ALG11: variants seen among roughly 807,000 people sequenced by gnomAD.
ALG11 encodes GDP-Man:Man(3)GlcNAc(2)-PP-Dol alpha-1,2-mannosyltransferase.
In ALG11, 26 loss-of-function variants were observed where a neutral mutation model predicts 38.8. That is an observed-to-expected ratio of 0.67 (90% confidence interval 0.49 to 0.93). The LOEUF (loss-of-function observed/expected upper bound fraction) is 0.93, where lower values mean the gene tolerates loss of function less well. Among genes scored for constraint, ALG11 ranks in the 40% least tolerant of loss-of-function variants. ALG11 has a pLI of 0.00. For missense variants in ALG11, 535 were observed against 578.8 expected, an observed-to-expected ratio of 0.92 and a Z score of 0.78; for synonymous variants, 199 against 211.6, an observed-to-expected ratio of 0.94 and a Z score of 0.52.
chr13:52,013,088 T>G (rs1333464606), intron 1 of ALG11, among the ~76,000 whole-genome samples: 1 of 152,236 alleles, frequency 6.6e-6, no homozygotes, highest in Non-Finnish European at 1.5e-5. Flanking sequence ...CCAGGAATGC[T>G]ACCATCCGGA....
Position 52,031,090 on chromosome 13 carries a change from A to G in ALG11, c.*2500A>G, listed in dbSNP as rs1954299585. 2.5e-6 allele frequency: 4 copies of G among 1,611,166 alleles called. No individual in the cohort carries two copies. In the South Asian group the frequency reaches 4.4e-5, roughly 18 times the overall value. On this transcript the variant is annotated 3_prime_UTR_variant, in exon 4 of 4. Coordinates refer to ENST00000521508, the MANE Select transcript of ALG11 (RefSeq NM_001004127.3). ...AACGAATCACCACACGTCACAATAA[A>G]GAAGAAAAACTGTAGGTTGTGTAGC...
chr13:52,025,272 G>A lies in ALG11; in HGVS notation c.1207+335G>A, dbSNP rs146722800. Among the ~76,000 whole-genome samples the A allele has an allele frequency of 2.3e-3, 356 of 152,304 alleles. 5 individuals carry two copies. The highest frequency in any genetic ancestry group is 4.3e-3 in the South Asian group (21 of 4,828). Reference sequence around the variant, plus strand: ...ACAGGAAGGTTTAGAAATTGCTCGAGTTCAGTTACACAGTAAGTGGTAGAG... The same window carrying A: ...ACAGGAAGGTTTAGAAATTGCTCGAATTCAGTTACACAGTAAGTGGTAGAG... On this transcript the variant is annotated intron_variant, in intron 3 of 3. Transcript: ENST00000521508.
chr13:52,030,737 A>C lies in ALG11; in HGVS notation c.*2147A>C, dbSNP rs759190119. 6.2e-7 allele frequency: 1 copy of C among 1,614,252 alleles called. No individual in the cohort carries two copies. Among genetic ancestry groups the C allele is most frequent in the Non-Finnish European group, 8.5e-7 (1 of 1,180,048 alleles). On this transcript the variant is annotated 3_prime_UTR_variant, in exon 4 of 4. Coordinates refer to ENST00000521508, the MANE Select transcript of ALG11 (RefSeq NM_001004127.3). Reference sequence around the variant, plus strand: ...GGGCCTAAAGCCCAGTGCCAAGAAAAGACGCCAGTTTCTCATTAAAGCCCC... The same window carrying C: ...GGGCCTAAAGCCCAGTGCCAAGAAACGACGCCAGTTTCTCATTAAAGCCCC...
intron 2 of ALG11, chr13:52,021,453 A>G (rs2140835405): frequency 6.6e-6 from 1 of 152,374 alleles, no homozygotes; most frequent in East Asian, 1.9e-4. Context: ...AAGTCCCCTA[A>G]GGCTGGTTGG....
rs139798579 is a variant in ALG11 at position 52,012,462 on chromosome 13, G to C, written c.44G>C (p.Arg15Thr). ...AGCTGGTGCCTGTGCAAGTTGTTGAGGTGAGCAGCCGGTCGTGTGGGCTCA... is the reference window on the plus strand; with the variant it reads ...AGCTGGTGCCTGTGCAAGTTGTTGACGTGAGCAGCCGGTCGTGTGGGCTCA... ...ERSWCLCKLLRFFYSLFFPGL... is the reference protein window; with the variant it reads ...ERSWCLCKLLTFFYSLFFPGL... The change falls in exon 1 of 4, where the codon AGG becomes ACG. Residue 15 changes from arginine to threonine, a missense_variant and splice_region_variant. Arg to Thr is a moderately conservative substitution (Grantham distance 71). Transcript: ENST00000521508. 8.4e-5 allele frequency: 136 copies of C among 1,614,058 alleles called. No individual in the cohort carries two copies. The highest frequency in any genetic ancestry group is 1.1e-4 in the Non-Finnish European group (131 of 1,180,046).
rs565088064 is a variant in ALG11 at position 52,028,207 on chromosome 13, A to T, written c.1208-112A>T. The stretch of plus-strand genomic sequence containing the variant: ...TAAGCAAATGTCTAGACATACATTT[A>T]ATTAAGTTTCTCATAAGTCCCTTAA... On this transcript the variant is annotated intron_variant, in intron 3 of 3. Transcript: ENST00000521508. 4.8e-6 allele frequency: 6 copies of T among 1,243,794 alleles called. No homozygotes were observed. In the African/African-American group the frequency reaches 7.5e-5, roughly 16 times the overall value. 77.0% of individuals were successfully genotyped at this position (1,243,794 alleles called of 1,614,324 possible). A position where few individuals can be genotyped will look rare whatever the true frequency, so the allele number is the denominator to read the frequency against.
In ALG11 at chr13:52,019,286, A is replaced by T; in HGVS notation, c.275+143A>T. On this transcript the variant is annotated intron_variant, in intron 2 of 3. Transcript: ENST00000521508. ...ACCCAGGCTGGAGTGCAGTGGCACG[A>T]TGTCGGCTCACTGCAAGCTCCGCCT... 5.3e-6 allele frequency: 4 copies of T among 747,922 alleles called. No homozygotes were observed. In the South Asian group the frequency reaches 5.6e-5, roughly 10 times the overall value. The allele number at this position is 747,922 out of a possible 1,614,324, so 46.3% of individuals were successfully genotyped here.
At position 52,024,331 on chromosome 13, in the gene ALG11, A is replaced by T. The variant is rs767641953; in HGVS notation, c.601A>T (p.Thr201Ser). Residue 201 changes from threonine to serine, a missense_variant, in exon 3 of 4, where the codon ACT becomes TCT. Thr to Ser is a moderately conservative substitution (Grantham distance 58). Transcript: ENST00000521508. Reference protein sequence around the residue: ...CQVGSYVHYPTISTDMLSVVK... With the variant: ...CQVGSYVHYPSISTDMLSVVK... ...AGTTGGAAGCTATGTTCATTATCCT[A>T]CTATCAGCACCGACATGCTCTCTGT... The T allele has an allele frequency of 2.5e-6, 4 of 1,614,042 alleles. No homozygotes were observed. The Admixed American group carries it at 6.7e-5, about 27-fold the overall frequency.
chr13:52,024,399 T>A lies in ALG11; in HGVS notation c.669T>A (p.Ile223=). ...TTGGATTTAATAATGCAGCCTTCAT[T>A]ACCAGGAATCCTTTTCTCAGCAAAG... ...QNIGFNNAAF[I]TRNPFLSKVK... The change falls in exon 3 of 4, where the codon ATT becomes ATA. Residue 223 remains isoleucine (I), a synonymous_variant. Coordinates refer to ENST00000521508, the MANE Select transcript of ALG11 (RefSeq NM_001004127.3). 6.2e-7 allele frequency: 1 copy of A among 1,613,616 alleles called. No homozygotes were observed. Among genetic ancestry groups the A allele is most frequent in the Admixed American group, 1.7e-5 (1 of 59,970 alleles).
In ALG11 at chr13:52,031,242, A is replaced by C; in HGVS notation, c.*2652A>C. 7.8e-7 allele frequency: 1 copy of C among 1,285,278 alleles called. No individual in the cohort carries two copies. The highest frequency in any genetic ancestry group is 1.1e-6 in the Non-Finnish European group (1 of 948,074). 79.6% of individuals were successfully genotyped at this position (1,285,278 alleles called of 1,614,324 possible). A position where few individuals can be genotyped will look rare whatever the true frequency, so the allele number is the denominator to read the frequency against. ...TGAGCCACATTTTTTAAAAAAAGAA[A>C]ATGGATGACCATTAATTGACTAGCA... On this transcript the variant is annotated 3_prime_UTR_variant, in exon 4 of 4. Transcript: ENST00000521508.
chr13:52,018,036 C>A (rs1954149670), intron 1 of ALG11, among the ~76,000 whole-genome samples: 1 of 152,024 alleles, frequency 6.6e-6, no homozygotes, highest in Admixed American at 6.5e-5. Flanking sequence ...AGTTAGATTC[C>A]AACTGTATTG....
chr13:52,024,412 T>C lies in ALG11; in HGVS notation c.682T>C (p.Phe228Leu). The C allele has an allele frequency of 6.2e-7, 1 of 1,613,566 alleles. No individual in the cohort carries two copies. Among genetic ancestry groups the C allele is most frequent in the Non-Finnish European group, 8.5e-7 (1 of 1,179,626 alleles). Reference sequence around the variant, plus strand: ...TGCAGCCTTCATTACCAGGAATCCTTTTCTCAGCAAAGTAAAGCTCATCTA... The same window carrying C: ...TGCAGCCTTCATTACCAGGAATCCTCTTCTCAGCAAAGTAAAGCTCATCTA... ...NNAAFITRNP[F>L]LSKVKLIYYY... The change falls in exon 3 of 4, where the codon TTT becomes CTT. Residue 228 changes from phenylalanine to leucine, a missense_variant. Transcript: ENST00000521508.
At chr13:52,023,267 A>G (rs757290728) in intron 2 of ALG11, 1 of 152,234 alleles carries the variant, frequency 6.6e-6, no homozygotes, top group Non-Finnish European at 1.5e-5. Context: ...CATCTCATTC[A>G]TAAATCAACA....
At chr13:52,021,859 G>C (rs1260938396) in intron 2 of ALG11, 1 of 152,204 alleles carries the variant, frequency 6.6e-6, no homozygotes, top group African/African-American at 2.4e-5. Context: ...GCAATCTCGG[G>C]CTGGTTGGAC....
chr13:52,017,652 C>T lies in ALG11; in HGVS notation c.45-1261C>T, dbSNP rs996608928. On this transcript the variant is annotated intron_variant, in intron 1 of 3. Transcript: ENST00000521508. ...GTAAGAAGTGCCTTACACCTCCTGCCGTGATTCTGAGGTCTCCCCAGCCAT... is the reference window on the plus strand; with the variant it reads ...GTAAGAAGTGCCTTACACCTCCTGCTGTGATTCTGAGGTCTCCCCAGCCAT... 2.5e-5 allele frequency: 4 copies of T among 162,834 alleles called. 1 individual carries two copies. The highest frequency in any genetic ancestry group is 2.6e-5 in the Non-Finnish European group (2 of 75,910). 10.1% of individuals were successfully genotyped at this position (162,834 alleles called of 1,614,324 possible). A position where few individuals can be genotyped will look rare whatever the true frequency, so the allele number is the denominator to read the frequency against.
At chr13:52,023,690 G>T (rs80174229) in intron 2 of ALG11, 81,926 of 149,578 alleles carry the variant, frequency 0.55, 25,293 homozygotes, top group Non-Finnish European at 0.68. Flanking sequence ...TCTTTTTTTT[G>T]TTTTTGTTTT....
Position 52,030,809 on chromosome 13 carries a change from A to G in ALG11, c.*2219A>G. On this transcript the variant is annotated 3_prime_UTR_variant, in exon 4 of 4. Transcript: ENST00000521508. ...TAAGAATTTGCCAAATGTGATTATC[A>G]GTGAGAAGCGCAACATCCACGCAGC... The G allele has an allele frequency of 3.7e-6, 6 of 1,614,222 alleles. No homozygotes were observed. Among genetic ancestry groups the G allele is most frequent in the Non-Finnish European group, 5.1e-6 (6 of 1,180,046 alleles).
intron 2 of ALG11, chr13:52,021,205 A>G (rs1213881107): frequency 6.6e-6 from 1 of 152,218 alleles, no homozygotes; most frequent in East Asian, 1.9e-4. Context: ...AATGACAAAA[A>G]CAGCTGCATT....
In ALG11 at chr13:52,029,472, G is replaced by A. The variant is rs371682766; in HGVS notation, c.*882G>A. On this transcript the variant is annotated 3_prime_UTR_variant, in exon 4 of 4. Coordinates refer to ENST00000521508, the MANE Select transcript of ALG11 (RefSeq NM_001004127.3). The stretch of plus-strand genomic sequence containing the variant: ...AGCCTGGAAGAGGCAAAGATGCACC[G>A]AGCAGAGCTTCAGAGGGCTCGGGCT... 2.6e-5 allele frequency: 42 copies of A among 1,614,148 alleles called. No individual in the cohort carries two copies. Among genetic ancestry groups the A allele is most frequent in the East Asian group, 1.8e-4 (8 of 44,884 alleles).
Sources: gnomAD v4.1 joint callset for allele counts (sites outside exome capture counted in the v4.1 genomes callset) on GRCh38, gnomAD v4.1.1 for gene constraint, MANE v1.5 for transcripts, NCBI Gene and HGNC (gene_info 2026-07-23, HGNC 2026-07-21) for gene names.